Variants in MUCL3 observed in about 807,000 individuals in gnomAD.
The protein encoded by MUCL3 is mucin like 3.
A neutral mutation model predicts 70.2 loss-of-function variants in MUCL3; 42 were observed. That is an observed-to-expected ratio of 0.60 (90% CI 0.47 to 0.77). The LOEUF (loss-of-function observed/expected upper bound fraction) is 0.77. Ranked by LOEUF, MUCL3 falls within the 30% of genes least tolerant of loss-of-function variation. MUCL3 has a pLI of 0.00. For synonymous variants in MUCL3, 522 were observed against 647.0 expected (o/e 0.81, Z 2.93); for missense variants, 1,429 against 1,670.0 (o/e 0.86, Z 2.52).
rs766573021 is a variant in MUCL3, at chr6:30,951,082, C to T, written c.2618C>T (p.Thr873Ile). 5 of 1,551,656 alleles carry T rather than the reference C, an allele frequency of 3.2e-6. No individual in the cohort carries two copies. The South Asian group carries it at 5.9e-5, about 18-fold the overall frequency. ...GAATGGACAGCCAATGAGAACACCACACTATCCCCAGCAGAGCCTACAGAA... is the reference window on the plus strand; with the variant it reads ...GAATGGACAGCCAATGAGAACACCATACTATCCCCAGCAGAGCCTACAGAA... ...NREWTANENT[T>I]LSPAEPTEHE... Residue 873 changes from threonine to isoleucine, a missense_variant, in exon 2 of 3, where the codon ACA becomes ATA. Thr to Ile is a moderately conservative substitution (Grantham distance 89, BLOSUM62 -1). Coordinates refer to ENST00000462446, the MANE Select transcript of MUCL3 (RefSeq NM_080870.4).
At position 30,951,613 on chromosome 6, in the gene MUCL3, C is replaced by T. The variant is rs1456464241; in HGVS notation, c.3149C>T (p.Ser1050Leu). Reference sequence around the variant, plus strand: ...ACAGAACACGAAGAAATGACCCCATCGGCCAATGAGAACACCACACCATCC... The same window carrying T: ...ACAGAACACGAAGAAATGACCCCATTGGCCAATGAGAACACCACACCATCC... ...KPTEHEEMTP[S>L]ANENTTPSPV... Residue 1050 changes from serine to leucine, a missense_variant, in exon 2 of 3, where the codon TCG becomes TTG. Ser to Leu is a moderately radical substitution (Grantham distance 145). Coordinates refer to ENST00000462446, the MANE Select transcript of MUCL3 (RefSeq NM_080870.4). 1.8e-5 allele frequency: 27 copies of T among 1,541,450 alleles called. No homozygotes were observed. The highest frequency in any genetic ancestry group is 1.7e-4 in the East Asian group (7 of 40,732).
At position 30,952,521 on chromosome 6, in the gene MUCL3, C is replaced by T. The variant is rs370719305; in HGVS notation, c.4035+22C>T. The stretch of plus-strand genomic sequence containing the variant: ...CTTGGTAAGGGACAGATGTGCCCCA[C>T]AGAAATCAACCTATGGGATAGGGAA... On this transcript the variant is annotated intron_variant, in intron 2 of 2. Coordinates refer to ENST00000462446, the MANE Select transcript of MUCL3 (RefSeq NM_080870.4). 1.9e-6 allele frequency: 3 copies of T among 1,561,242 alleles called. No individual in the cohort carries two copies. In the South Asian group the frequency reaches 3.7e-5, roughly 19 times the overall value.
In MUCL3 at chr6:30,949,247, C is replaced by T. The variant is rs1435534041; in HGVS notation, c.783C>T (p.Leu261=). The T allele has an allele frequency of 6.5e-7, 1 of 1,549,992 alleles. No individual in the cohort carries two copies. Among genetic ancestry groups the T allele is most frequent in the Admixed American group, 2.0e-5 (1 of 50,558 alleles). Residue 261 remains leucine, a synonymous_variant, in exon 2 of 3, where the codon CTC becomes CTT. Coordinates refer to ENST00000462446, the MANE Select transcript of MUCL3 (RefSeq NM_080870.4). Reference sequence around the variant, plus strand: ...GAACAACAGTTGCCTCAGACAAGCTCCTGACAAAAACTACAAAAAACATAC... The same window carrying T: ...GAACAACAGTTGCCTCAGACAAGCTTCTGACAAAAACTACAAAAAACATAC... ...DSRTTVASDK[L]LTKTTKNIQE...
chr6:30,945,768 C>T (rs1349705262), intron 1 of MUCL3, among the ~76,000 whole-genome samples: 1 of 152,172 alleles, frequency 6.6e-6, no homozygotes, highest in Non-Finnish European at 1.5e-5. Context: ...TCCTGGCTAA[C>T]ACAGTGAAAC....
chr6:30,949,728 G>C lies in MUCL3; in HGVS notation c.1264G>C (p.Glu422Gln). The C allele has an allele frequency of 6.5e-7, 1 of 1,534,772 alleles. No individual in the cohort carries two copies. The highest frequency in any genetic ancestry group is 1.2e-5 in the South Asian group (1 of 83,442). The change falls in exon 2 of 3, where the codon GAA becomes CAA. Residue 422 changes from glutamate (E) to glutamine (Q), a missense_variant. Transcript: ENST00000462446. ...CACATCATCCTCAGCAGAGTCTACA[G>C]AACATGGAGAAAGGACCCCACTGGC... Reference protein sequence around the residue: ...KTTSSSAESTEHGERTPLANE... With the variant: ...KTTSSSAESTQHGERTPLANE...
chr6:30,946,488 T>C (rs577310084), intron 1 of MUCL3: 38 of 152,356 alleles, frequency 2.5e-4, no homozygotes, highest in African/African-American at 7.5e-4. Flanking sequence ...TAGATAGTCA[T>C]TCATCCCTTA....
Position 30,951,730 on chromosome 6 carries a change from A to G in MUCL3, c.3266A>G (p.Lys1089Arg), listed in dbSNP as rs1168837704. 55 of 1,551,468 alleles carry G rather than the reference A, an allele frequency of 3.5e-5. No homozygotes were observed. The highest frequency in any genetic ancestry group is 4.6e-5 in the Non-Finnish European group (53 of 1,147,028). ...GAAGGGCCTACAGAACATGGAGCAA[A>G]AACTACGTCGGCCAATGAGAAGATC... ...SPEGPTEHGA[K>R]TTSANEKITP... The change falls in exon 2 of 3, where the codon AAA (lysine) becomes AGA (arginine). Residue 1089 changes from lysine (K) to arginine (R), a missense_variant. Transcript: ENST00000462446.
Position 30,952,077 on chromosome 6 carries a change from C to T in MUCL3, c.3613C>T (p.Pro1205Ser), listed in dbSNP as rs772376238. Residue 1205 changes from proline to serine, a missense_variant, in exon 2 of 3, where the codon CCA becomes TCA. Transcript: ENST00000462446. The stretch of plus-strand genomic sequence containing the variant: ...CACCAAAGGGAAAAACACACCAGTC[C>T]CAGAAAAGCCTACAGAAAACCTGGG... ...ICTKGKNTPV[P>S]EKPTENLGNT... 3.7e-6 allele frequency: 6 copies of T among 1,607,620 alleles called. No individual in the cohort carries two copies. In the African/African-American group the frequency reaches 6.8e-5, roughly 18 times the overall value.
chr6:30,943,747 G>A (rs1446975547), intron 1 of MUCL3, among the ~76,000 whole-genome samples: 1 of 152,100 alleles, frequency 6.6e-6, no homozygotes, highest in East Asian at 1.9e-4. Context: ...CACAAATAAT[G>A]TATGCTCATT....
chr6:30,941,041 C>G lies in MUCL3; in HGVS notation c.42C>G (p.Leu14=). 1 of 1,550,738 alleles carries G rather than the reference C, an allele frequency of 6.4e-7. No individual in the cohort carries two copies. Among genetic ancestry groups the G allele is most frequent in the Non-Finnish European group, 8.7e-7 (1 of 1,146,988 alleles). Residue 14 remains leucine, a synonymous_variant, in exon 1 of 3, where the codon CTC becomes CTG. Coordinates refer to ENST00000462446, the MANE Select transcript of MUCL3 (RefSeq NM_080870.4). Reference sequence around the variant, plus strand: ...ACAGCCTCTGCTCCGCCTTTGGCCTCCAGTGCTGCCTCCTCTTCCTTCTAG... The same window carrying G: ...ACAGCCTCTGCTCCGCCTTTGGCCTGCAGTGCTGCCTCCTCTTCCTTCTAG... ...PVHSLCSAFG[L]QCCLLFLLAS... is the part of the protein sequence containing the mutation.
intron 1 of MUCL3, among the ~76,000 whole-genome samples, chr6:30,942,551 A>C (rs1294796038): frequency 6.6e-6 from 1 of 152,064 alleles, no homozygotes; most frequent in African/African-American, 2.4e-5. Context: ...TGACTGAGGA[A>C]TCTTTGAGCT....
chr6:30,953,476 A>C lies in MUCL3; in HGVS notation c.*359A>C. Reference sequence around the variant, plus strand: ...GCCTTATAGGCAATGCCCCAGACTGACTTGTGAGTGGGGTTTATGGGGAAA... The same window carrying C: ...GCCTTATAGGCAATGCCCCAGACTGCCTTGTGAGTGGGGTTTATGGGGAAA... On this transcript the variant is annotated 3_prime_UTR_variant, in exon 3 of 3. Coordinates refer to ENST00000462446, the MANE Select transcript of MUCL3 (RefSeq NM_080870.4). The C allele has an allele frequency of 3.7e-6, 1 of 270,390 alleles. No homozygotes were observed. Among genetic ancestry groups the C allele is most frequent in the Non-Finnish European group, 7.0e-6 (1 of 142,670 alleles). 16.7% of individuals were successfully genotyped at this position (270,390 alleles called of 1,614,324 possible).
In MUCL3 at chr6:30,950,366, C is replaced by A. The variant is rs1404643048; in HGVS notation, c.1902C>A (p.Thr634=). 7 of 1,550,568 alleles carry A rather than the reference C, an allele frequency of 4.5e-6. No homozygotes were observed. The highest frequency in any genetic ancestry group is 6.1e-6 in the Non-Finnish European group (7 of 1,146,858). ...GAGAAAGGACAGCCAATGAGAACACCACACCATCCCCAGCAGGGCCTACAG... is the reference window on the plus strand; with the variant it reads ...GAGAAAGGACAGCCAATGAGAACACAACACCATCCCCAGCAGGGCCTACAG... ...ENRERTANEN[T]TPSPAGPTEN... The change falls in exon 2 of 3, where the codon ACC becomes ACA. Residue 634 remains threonine, a synonymous_variant. Coordinates refer to ENST00000462446, the MANE Select transcript of MUCL3 (RefSeq NM_080870.4).
rs144595369 is a variant in MUCL3 at position 30,951,425 on chromosome 6, C to A, written c.2961C>A (p.Thr987=). Residue 987 remains threonine (T), a synonymous_variant, in exon 2 of 3, where the codon ACC becomes ACA. Coordinates refer to ENST00000462446, the MANE Select transcript of MUCL3 (RefSeq NM_080870.4). Reference sequence around the variant, plus strand: ...AGCCTACAGAAAATGGAGAAAGGACCCCACTGGCCAATGAGAACACCACAA... The same window carrying A: ...AGCCTACAGAAAATGGAGAAAGGACACCACTGGCCAATGAGAACACCACAA... ...SAEPTENGER[T]PLANENTTTS... The A allele has an allele frequency of 9.1e-6, 14 of 1,543,152 alleles. No homozygotes were observed. Among genetic ancestry groups the A allele is most frequent in the Non-Finnish European group, 1.2e-5 (14 of 1,145,456 alleles).
chr6:30,951,896 G>T lies in MUCL3; in HGVS notation c.3432G>T (p.Glu1144Asp), dbSNP rs1582267958. 1 of 1,613,542 alleles carries T rather than the reference G, an allele frequency of 6.2e-7. No homozygotes were observed. The change falls in exon 2 of 3, where the codon GAG becomes GAT. Residue 1144 changes from glutamate (E) to aspartate (D), a missense_variant. Transcript: ENST00000462446. ...SANVITPAPA[E>D]PIKHAKRTTL... Reference sequence around the variant, plus strand: ...ATGTGATCACACCAGCCCCAGCAGAGCCTATAAAACATGCAAAAAGGACCA... The same window carrying T: ...ATGTGATCACACCAGCCCCAGCAGATCCTATAAAACATGCAAAAAGGACCA...
Position 30,941,004 on chromosome 6 carries a change from C to A in MUCL3, c.5C>A (p.Ala2Asp). Residue 2 changes from alanine to aspartate, a missense_variant, in exon 1 of 3, where the codon GCC (alanine) becomes GAC (aspartate). Transcript: ENST00000462446. M[A>D]QPVHSLCSAF... ...AAGCAGCCACCCAGCTCCGACATGG[C>A]CCAGCCGGTCCACAGCCTCTGCTCC... 1 of 1,549,498 alleles carries A rather than the reference C, an allele frequency of 6.5e-7. No individual in the cohort carries two copies. Among genetic ancestry groups the A allele is most frequent in the Non-Finnish European group, 8.7e-7 (1 of 1,146,980 alleles).
In MUCL3 at chr6:30,950,976, C is replaced by G; in HGVS notation, c.2512C>G (p.Pro838Ala). ...AGCCAATGAGAAGACCACACAATTC[C>G]CAGCAGAGCCTACAGAAAATAGAGA... ...RTANEKTTQF[P>A]AEPTENREST... The change falls in exon 2 of 3, where the codon CCA becomes GCA. Residue 838 changes from proline (P) to alanine (A), a missense_variant. Pro to Ala is a conservative substitution (Grantham distance 27). Transcript: ENST00000462446. 6.5e-7 allele frequency: 1 copy of G among 1,550,306 alleles called. No individual in the cohort carries two copies. The highest frequency in any genetic ancestry group is 8.7e-7 in the Non-Finnish European group (1 of 1,146,742).
intron 1 of MUCL3, among the ~76,000 whole-genome samples, chr6:30,944,568 C>T (rs1233646908): frequency 6.6e-6 from 1 of 152,208 alleles, no homozygotes; most frequent in Non-Finnish European, 1.5e-5. Flanking sequence ...AGGCACTGTG[C>T]CCAGCCGATG....
Position 30,948,926 on chromosome 6 carries a change from A to G in MUCL3, c.462A>G (p.Gly154=). Residue 154 remains glycine (G), a synonymous_variant, in exon 2 of 3, where the codon GGA becomes GGG. Transcript: ENST00000462446. The stretch of plus-strand genomic sequence containing the variant: ...CTACCACACATAAAGAATCCGCTGG[A>G]AAAAAACATATAACGCCAGCACCCA... ...DSTTTHKESA[G]KKHITPAPKS... is the part of the protein sequence containing the mutation. 1 of 1,550,374 alleles carries G rather than the reference A, an allele frequency of 6.5e-7. No individual in the cohort carries two copies. The highest frequency in any genetic ancestry group is 8.7e-7 in the Non-Finnish European group (1 of 1,146,658).
Sources: allele counts gnomAD v4.1 joint callset (sites outside exome capture counted in the v4.1 genomes callset), GRCh38; gene constraint gnomAD v4.1.1; transcripts MANE v1.5; gene names NCBI Gene and HGNC (gene_info 2026-07-23, HGNC 2026-07-21).